CSMD1: variants seen among roughly 807,000 people sequenced by gnomAD.
CSMD1 encodes the protein CUB and sushi domain-containing protein 1.
Under a neutral mutation model 417.5 loss-of-function variants are expected in CSMD1, and 213 were observed. The ratio of observed to expected loss-of-function variants is 0.51; its 90% confidence interval spans 0.46 to 0.57. CSMD1 has a LOEUF of 0.57. Ranked by LOEUF, CSMD1 falls within the 20% of genes least tolerant of loss-of-function variation. The pLI is 0.00. For missense variants in CSMD1, 6,923 were observed against 4,529.7 expected (o/e 1.53, Z -15.17); for synonymous variants, 2,862 against 1,736.8 (o/e 1.65, Z -16.11).
intron 3 of CSMD1, among the ~76,000 whole-genome samples, chr8:4,326,077 G>C (rs923968665): frequency 3.9e-5 from 6 of 152,272 alleles, no homozygotes; most frequent in African/African-American, 1.4e-4. Context: ...GCATTCATCA[G>C]CATTACCAGA....
chr8:4,381,448 T>C (rs888713801), intron 3 of CSMD1, among the ~76,000 whole-genome samples: 3 of 152,136 alleles, frequency 2.0e-5, no homozygotes, highest in African/African-American at 7.2e-5. Context: ...GGGTGGGGGC[T>C]GGTGCCGACG....
At chr8:4,664,486 G>C (rs1283100231) in intron 1 of CSMD1, among the ~76,000 whole-genome samples, 1 of 152,052 alleles carries the variant, frequency 6.6e-6, no homozygotes, top group Non-Finnish European at 1.5e-5. Context: ...CTTTACCCTG[G>C]GGAGTTCAAG....
chr8:3,640,913 C>G (rs1030946781), intron 7 of CSMD1, among the ~76,000 whole-genome samples: 5 of 151,514 alleles, frequency 3.3e-5, no homozygotes, highest in African/African-American at 1.2e-4. Flanking sequence ...CATGGTTTGC[C>G]AGCTTTGTCT....
At chr8:3,552,545 C>T (rs1171092352) in intron 10 of CSMD1, among the ~76,000 whole-genome samples, 5 of 151,970 alleles carry the variant, frequency 3.3e-5, no homozygotes, top group African/African-American at 9.7e-5. Context: ...TTGGATTAGC[C>T]AAGATAAACA....
At chr8:3,683,688 A>G (rs1027083919) in intron 7 of CSMD1, among the ~76,000 whole-genome samples, 2 of 152,106 alleles carry the variant, frequency 1.3e-5, no homozygotes, top group Non-Finnish European at 1.5e-5. Context: ...TCTCTTTTCC[A>G]CACTAGACAG....
chr8:3,135,823 T>G (rs977066503), intron 41 of CSMD1, among the ~76,000 whole-genome samples: 1 of 152,162 alleles, frequency 6.6e-6, no homozygotes, highest in Non-Finnish European at 1.5e-5. Context: ...CCAAAATGTT[T>G]AGCAATTGCA....
intron 4 of CSMD1, among the ~76,000 whole-genome samples, chr8:4,022,219 G>A (rs1796825884): frequency 6.8e-6 from 1 of 147,184 alleles, no homozygotes; most frequent in Non-Finnish European, 1.5e-5. Flanking sequence ...ATTGTTATTG[G>A]TAATAAAGGT....
At chr8:4,580,453 C>T (rs1399803472) in intron 2 of CSMD1, among the ~76,000 whole-genome samples, 4 of 152,174 alleles carry the variant, frequency 2.6e-5, no homozygotes, top group African/African-American at 9.7e-5. Flanking sequence ...ATCCACTTTA[C>T]AGGTGAGAAA....
chr8:3,885,646 T>C (rs1772114532), intron 5 of CSMD1, among the ~76,000 whole-genome samples: 1 of 152,180 alleles, frequency 6.6e-6, no homozygotes, highest in Admixed American at 6.5e-5. Flanking sequence ...TTCTGTTCTC[T>C]ATTCCCCCTC....
At chr8:4,441,095 G>GTTTTTTGTTTTTTTTTTTTTTTTTT (rs1554478144) in intron 2 of CSMD1, among the ~76,000 whole-genome samples, 1 of 51,296 alleles carries the variant, frequency 1.9e-5, no homozygotes, top group African/African-American at 6.7e-5. Flanking sequence ...TAATCAAAAG[G>GTTTTTTGTTTTTTTTTTTTTTTTTT]TTTTTTTTTT....
chr8:4,003,481 A>G (rs922075768), intron 4 of CSMD1, among the ~76,000 whole-genome samples: 1 of 152,172 alleles, frequency 6.6e-6, no homozygotes, highest in Non-Finnish European at 1.5e-5. Context: ...CATGGGAAAA[A>G]AAGATTTTAA....
At chr8:3,075,517 C>A (rs1240959717) in intron 49 of CSMD1, among the ~76,000 whole-genome samples, 1 of 151,588 alleles carries the variant, frequency 6.6e-6, no homozygotes, top group African/African-American at 2.4e-5. Context: ...CCAACCTCAG[C>A]TGTTCTGTCC....
intron 8 of CSMD1, among the ~76,000 whole-genome samples, chr8:3,603,851 T>A (rs1445015146): frequency 6.6e-6 from 1 of 152,234 alleles, no homozygotes; most frequent in African/African-American, 2.4e-5. Context: ...TTCTACTTTT[T>A]CTTCTAGTTG....
chr8:4,491,059 G>A (rs903125224), intron 2 of CSMD1, among the ~76,000 whole-genome samples: 7 of 152,184 alleles, frequency 4.6e-5, no homozygotes, highest in Middle Eastern at 3.4e-3. Flanking sequence ...TGAGGCGGTC[G>A]CCTGCCAGGA....
intron 5 of CSMD1, among the ~76,000 whole-genome samples, chr8:3,893,842 T>G (rs563295915): frequency 2.0e-5 from 3 of 152,258 alleles, no homozygotes; most frequent in African/African-American, 7.2e-5. Context: ...ACTGACCCTT[T>G]GTTCATTAAA....
At chr8:4,337,732 T>C (rs78167814) in intron 3 of CSMD1, among the ~76,000 whole-genome samples, 8 of 152,260 alleles carry the variant, frequency 5.3e-5, no homozygotes, top group Middle Eastern at 3.4e-3. Context: ...GCCATTGACA[T>C]AGAATGGATT....
chr8:3,174,658 A>C (rs1820794807), intron 37 of CSMD1, among the ~76,000 whole-genome samples: 1 of 152,244 alleles, frequency 6.6e-6, no homozygotes, highest in African/African-American at 2.4e-5. Flanking sequence ...TAATTACGTA[A>C]GTAAATACCA....
At position 2,949,398 on chromosome 8, in the gene CSMD1, G is replaced by GAAAGA. The variant is rs5741961; in HGVS notation, c.10315-17_10315-13dup. ...AGTCCAGATGACACCTGACACATAG[G>GAAAGA]AAAGAAAAGAAAAGAAATAAAAAGG... is the stretch of plus-strand genomic sequence containing the variant. On this transcript the variant is annotated splice_polypyrimidine_tract_variant and intron_variant, in intron 67 of 69. Transcript: ENST00000635120. The GAAAGA allele has an allele frequency of 0.21, 238,539 of 1,138,860 alleles. 33,503 individuals are homozygous for GAAAGA. Among genetic ancestry groups the GAAAGA allele is most frequent in the African/African-American group, 0.62 (39,684 of 64,004 alleles). The allele number at this position is 1,138,860 out of a possible 1,614,324, so 70.5% of individuals were successfully genotyped here.
At chr8:3,184,141 C>A (rs1445473573) in intron 36 of CSMD1, among the ~76,000 whole-genome samples, 1 of 152,144 alleles carries the variant, frequency 6.6e-6, no homozygotes, top group African/African-American at 2.4e-5. Context: ...TTTTCAGAAT[C>A]ATTTTTTCTT....
Sources: gnomAD v4.1 joint callset for allele counts (sites outside exome capture counted in the v4.1 genomes callset) on GRCh38, gnomAD v4.1.1 for gene constraint, MANE v1.5 for transcripts, NCBI Gene and HGNC (gene_info 2026-07-23, HGNC 2026-07-21) for gene names.